The following TRAPPC12 variants were observed in gnomAD, a reference collection of about 807,000 sequenced individuals.
TRAPPC12 encodes the protein trafficking protein particle complex subunit 12.
A neutral mutation model predicts 69.2 loss-of-function variants in TRAPPC12; 61 were observed. The ratio of observed to expected loss-of-function variants is 0.88; its 90% CI spans 0.72 to 1.09. TRAPPC12 has a LOEUF of 1.09. Among genes scored for constraint, TRAPPC12 ranks in the 50% least tolerant of loss-of-function variants. The pLI is 0.00. For synonymous variants in TRAPPC12, 469 were observed against 438.9 expected (o/e 1.07, Z -0.86); for missense variants, 1,101 against 1,016.4 (o/e 1.08, Z -1.13).
At chr2:3,417,322 C>A (rs544061698) in intron 3 of TRAPPC12, among the ~76,000 whole-genome samples, 2 of 152,112 alleles carry the variant, frequency 1.3e-5, no homozygotes, top group African/African-American at 4.8e-5. Flanking sequence ...GGAGCAGCCA[C>A]GGCTCCCCCC....
At position 3,477,709 on chromosome 2, in the gene TRAPPC12, A is replaced by G. The variant is rs1048550697; in HGVS notation, c.1791A>G (p.Lys597=). The change falls in exon 10 of 12, where the codon AAA becomes AAG. Residue 597 remains lysine (K), a synonymous_variant. Coordinates refer to ENST00000324266, the MANE Select transcript of TRAPPC12 (RefSeq NM_016030.6). ...TGTCAAAGCAGATTGGAGACATAAA[A>G]ACAGCTGAAAAGTATTTTCAAGACG... ...GRISLQIGDI[K]TAEKYFQDVE... 3.1e-6 allele frequency: 5 copies of G among 1,606,488 alleles called. No individual in the cohort carries two copies. Among genetic ancestry groups the G allele is most frequent in the Non-Finnish European group, 3.4e-6 (4 of 1,177,248 alleles).
chr2:3,424,560 G>A lies in TRAPPC12; in HGVS notation c.1314G>A (p.Leu438=), dbSNP rs201535419. ...WFVRLALLVK[L]GLFQNAEMEF... ...TCAGGCTGGCACTACTAGTGAAGTT[G>A]GGCCTTTTCCAGAATGCTGAGATGG... The change falls in exon 5 of 12, where the codon TTG becomes TTA. Residue 438 remains leucine (L), a synonymous_variant. Coordinates refer to ENST00000324266, the MANE Select transcript of TRAPPC12 (RefSeq NM_016030.6). 1.7e-5 allele frequency: 28 copies of A among 1,613,618 alleles called. No individual in the cohort carries two copies. The highest frequency in any genetic ancestry group is 1.9e-5 in the Non-Finnish European group (23 of 1,179,908).
At chr2:3,448,484 T>TGGGTGAGGAGAGTCAAACA (rs1664639813) in intron 6 of TRAPPC12, among the ~76,000 whole-genome samples, 2 of 152,172 alleles carry the variant, frequency 1.3e-5, no homozygotes, top group African/African-American at 4.8e-5. Context: ...ACTCTTCCAG[T>TGGGTGAGGAGAGTCAAACA]GGGTGAGGAG....
At chr2:3,441,615 T>G (rs1664205672) in intron 5 of TRAPPC12, among the ~76,000 whole-genome samples, 1 of 147,206 alleles carries the variant, frequency 6.8e-6, no homozygotes, top group Admixed American at 6.7e-5. Flanking sequence ...CTAATTTTTA[T>G]TATTATATTT....
chr2:3,417,294 G>GTC (rs920304032), intron 3 of TRAPPC12, among the ~76,000 whole-genome samples: 1 of 152,018 alleles, frequency 6.6e-6, no homozygotes, highest in Non-Finnish European at 1.5e-5. Context: ...TTGTTTCTGG[G>GTC]TCTCTCTCAC....
chr2:3,387,602 C>T lies in TRAPPC12; in HGVS notation c.-4-18C>T. 1 of 1,503,716 alleles carries T rather than the reference C, an allele frequency of 6.7e-7. No homozygotes were observed. Among genetic ancestry groups the T allele is most frequent in the South Asian group, 1.3e-5 (1 of 78,904 alleles). 93.1% of individuals were successfully genotyped at this position (1,503,716 alleles called of 1,614,324 possible). ...TGAAGATCACGCTCAGGGGCCTTCTCTCTGTCTTTGCTTTCAGGGTCATGG... is the reference window on the plus strand; with the variant it reads ...TGAAGATCACGCTCAGGGGCCTTCTTTCTGTCTTTGCTTTCAGGGTCATGG... On this transcript the variant is annotated intron_variant, in intron 1 of 11. Transcript: ENST00000324266.
intron 3 of TRAPPC12, among the ~76,000 whole-genome samples, chr2:3,405,753 T>G (rs1661695209): frequency 6.6e-6 from 1 of 152,264 alleles, no homozygotes; most frequent in South Asian, 2.1e-4. Flanking sequence ...TACTTATTGC[T>G]GACTTGAAGC....
intron 2 of TRAPPC12, among the ~76,000 whole-genome samples, chr2:3,395,688 G>C (rs1234426430): frequency 6.7e-6 from 1 of 149,364 alleles, no homozygotes; most frequent in African/African-American, 2.5e-5. Flanking sequence ...TCACCCTCCA[G>C]AGTAGCTGGG....
rs886180600 is a variant in TRAPPC12, at chr2:3,479,544, A to G, written c.*83A>G. ...TAATGTATTAATGTGACATGGAGGA[A>G]CTCAATAAAACTCCTGCTTCACTGG... On this transcript the variant is annotated 3_prime_UTR_variant, in exon 12 of 12. Coordinates refer to ENST00000324266, the MANE Select transcript of TRAPPC12 (RefSeq NM_016030.6). 4.0e-6 allele frequency: 6 copies of G among 1,506,426 alleles called. No homozygotes were observed. The highest frequency in any genetic ancestry group is 4.5e-6 in the Non-Finnish European group (5 of 1,109,192). The allele number at this position is 1,506,426 out of a possible 1,614,324, so 93.3% of individuals were successfully genotyped here.
chr2:3,387,493 A>G lies in TRAPPC12; in HGVS notation c.-4-127A>G, dbSNP rs1660545570. 5 of 805,742 alleles carry G rather than the reference A, an allele frequency of 6.2e-6. No individual in the cohort carries two copies. The East Asian group carries it at 1.4e-4, about 22-fold the overall frequency. 49.9% of individuals were successfully genotyped at this position (805,742 alleles called of 1,614,324 possible). A position where few individuals can be genotyped will look rare whatever the true frequency, so the allele number is the denominator to read the frequency against. On this transcript the variant is annotated intron_variant, in intron 1 of 11. Coordinates refer to ENST00000324266, the MANE Select transcript of TRAPPC12 (RefSeq NM_016030.6). ...TTTTATGTGTATTTTACCATAATCA[A>G]AAGCACATGGATAAGAAGCTGGAGA...
intron 2 of TRAPPC12, among the ~76,000 whole-genome samples, chr2:3,400,790 C>G (rs116102205): frequency 6.6e-6 from 1 of 152,156 alleles, no homozygotes; most frequent in Non-Finnish European, 1.5e-5. Flanking sequence ...CAGGCCCTTC[C>G]CTGGGGCCCC....
chr2:3,465,556 T>G (rs528471608), intron 8 of TRAPPC12, 41 bp from the exon 9 acceptor site: 51 of 1,386,680 alleles, frequency 3.7e-5, no homozygotes, highest in Non-Finnish European at 5.1e-5. Context: ...CCCACAGTGC[T>G]GTTCTCAGCT....
intron 5 of TRAPPC12, among the ~76,000 whole-genome samples, chr2:3,442,825 G>T (rs957550205): frequency 1.3e-5 from 2 of 152,180 alleles, no homozygotes; most frequent in African/African-American, 4.8e-5. Flanking sequence ...AGTCATACGC[G>T]TGTTTTCTCA....
intron 3 of TRAPPC12, chr2:3,421,645 T>G: frequency 1.4e-6 from 1 of 708,240 alleles, no homozygotes; most frequent in Non-Finnish European, 2.6e-6. Flanking sequence ...TATGATTTGA[T>G]CGGCTTGAAC....
chr2:3,456,723 C>T lies in TRAPPC12; in HGVS notation c.1531-898C>T, dbSNP rs182291933. On this transcript the variant is annotated intron_variant, in intron 6 of 11. Transcript: ENST00000324266. ...CCTCCCAGGTAGCTGGGACCACAGG[C>T]GCACACCACCATGCCCAGCTAATGT... 1.6e-3 allele frequency: 337 copies of T among 212,336 alleles called. 1 individual carries two copies. The highest frequency in any genetic ancestry group is 7.2e-3 in the African/African-American group (301 of 41,912). The allele number at this position is 212,336 out of a possible 1,614,324, so 13.2% of individuals were successfully genotyped here.
At chr2:3,471,118 C>T (rs1381870970) in intron 9 of TRAPPC12, among the ~76,000 whole-genome samples, 1 of 152,234 alleles carries the variant, frequency 6.6e-6, no homozygotes, top group Admixed American at 6.5e-5. Context: ...GGCACAGATG[C>T]CCTCACTTTG....
intron 3 of TRAPPC12, among the ~76,000 whole-genome samples, chr2:3,402,380 A>C (rs1661491533): frequency 6.6e-6 from 1 of 152,214 alleles, no homozygotes; most frequent in African/African-American, 2.4e-5. Flanking sequence ...TCACAAGGTC[A>C]GGAGTTCAAG....
chr2:3,432,787 C>G (rs1407358824), intron 5 of TRAPPC12, among the ~76,000 whole-genome samples: 2 of 152,112 alleles, frequency 1.3e-5, no homozygotes, highest in South Asian at 4.1e-4. Context: ...TTTGGGGTTC[C>G]GTATCTACCA....
At chr2:3,473,735 T>G (rs1666168408) in intron 9 of TRAPPC12, among the ~76,000 whole-genome samples, 1 of 152,248 alleles carries the variant, frequency 6.6e-6, no homozygotes, top group Admixed American at 6.5e-5. Context: ...CCTCCCAAAG[T>G]GCTGGGATTA....
Sources: allele counts gnomAD v4.1 joint callset (sites outside exome capture counted in the v4.1 genomes callset), GRCh38; gene constraint gnomAD v4.1.1; transcripts MANE v1.5; gene names NCBI Gene and HGNC (gene_info 2026-07-23, HGNC 2026-07-21).